Variants in KLF8 observed in about 807,000 individuals in gnomAD.
KLF8 encodes Krueppel-like factor 8.
In KLF8, 10 loss-of-function variants were observed where a neutral mutation model predicts 18.2. That is an observed-to-expected ratio of 0.55 (90% CI 0.34 to 0.93). KLF8 has a LOEUF of 0.93. Among genes scored for constraint, KLF8 ranks in the 40% least tolerant of loss-of-function variants. KLF8 has a pLI of 0.02. For synonymous variants in KLF8, 109 were observed against 97.3 expected (o/e 1.12, Z -0.71); for missense variants, 264 against 277.9 (o/e 0.95, Z 0.36).
chrX:56,110,621 G>GT, the KLF8 span, among the ~76,000 whole-genome samples: 2 of 110,988 alleles, frequency 1.8e-5, no homozygotes, highest in Non-Finnish European at 3.8e-5. Flanking sequence ...GTATATCTTA[G>GT]TTTTTTTATA....
chrX:56,122,784 T>C, the KLF8 span, among the ~76,000 whole-genome samples: 2 of 110,591 alleles, frequency 1.8e-5, no homozygotes, highest in Non-Finnish European at 3.8e-5. Context: ...AAACGGGGTT[T>C]CACTATATTG....
At chrX:56,213,610 A>G in the KLF8 span, among the ~76,000 whole-genome samples, 1 of 110,567 alleles carries the variant, frequency 9.0e-6, no homozygotes, top group African/African-American at 3.3e-5. Flanking sequence ...GGCATGAGCC[A>G]CCACAACTGG....
At chrX:56,257,516 C>T (rs1403718884) in intron 2 of KLF8, among the ~76,000 whole-genome samples, 1 of 111,143 alleles carries the variant, frequency 9.0e-6, no homozygotes, top group Non-Finnish European at 1.9e-5. Context: ...CTCCTCTCTC[C>T]CTCCTTCTTC....
At chrX:56,181,578 G>T in the KLF8 span, among the ~76,000 whole-genome samples, 2 of 111,503 alleles carry the variant, frequency 1.8e-5, no homozygotes, top group Non-Finnish European at 3.8e-5. Context: ...TTACAGTTTG[G>T]CATGTTTTTC....
At chrX:56,195,129 C>T in the KLF8 span, among the ~76,000 whole-genome samples, 15 of 112,247 alleles carry the variant, frequency 1.3e-4, no homozygotes, top group Non-Finnish European at 3.8e-5. Context: ...GGAGGAGAAA[C>T]CAGAGAAGAA....
the KLF8 span, among the ~76,000 whole-genome samples, chrX:56,191,414 A>G: frequency 8.1e-5 from 9 of 111,770 alleles, no homozygotes. Context: ...TACTCAAACT[A>G]TTTCAAAAAC....
chrX:56,023,367 C>A, the KLF8 span, among the ~76,000 whole-genome samples: 1 of 111,711 alleles, frequency 9.0e-6, no homozygotes, highest in African/African-American at 3.3e-5. Flanking sequence ...AAGGCAGAGA[C>A]AAACAGAATG....
chrX:55,976,878 A>G, the KLF8 span, among the ~76,000 whole-genome samples: 3 of 111,957 alleles, frequency 2.7e-5, no homozygotes, highest in East Asian at 5.6e-4. Context: ...TAAAGAATTT[A>G]TACTTTTTGT....
the KLF8 span, among the ~76,000 whole-genome samples, chrX:56,079,848 T>C: frequency 1.8e-5 from 2 of 111,541 alleles, no homozygotes; most frequent in African/African-American, 3.3e-5. Context: ...TGGATGCATA[T>C]ATATTTAGGA....
chrX:56,155,672 CTTTTA>C, the KLF8 span, among the ~76,000 whole-genome samples: 3 of 110,905 alleles, frequency 2.7e-5, no homozygotes, highest in Non-Finnish European at 3.8e-5. Context: ...TAAATTTCAA[CTTTTA>C]TTTTAGTTAC....
At chrX:56,170,443 A>C in the KLF8 span, among the ~76,000 whole-genome samples, 1 of 110,564 alleles carries the variant, frequency 9.0e-6, no homozygotes, top group African/African-American at 3.3e-5. Flanking sequence ...TCAAGGTAAC[A>C]CAAAGAAACA....
the KLF8 span, among the ~76,000 whole-genome samples, chrX:56,186,613 C>A: frequency 6.3e-5 from 7 of 111,395 alleles, no homozygotes; most frequent in Admixed American, 1.9e-4. Context: ...CAAAATTGAC[C>A]ACATAGTTGG....
the KLF8 span, among the ~76,000 whole-genome samples, chrX:56,178,930 A>C: frequency 1.8e-5 from 2 of 111,837 alleles, no homozygotes; most frequent in Non-Finnish European, 3.8e-5. Flanking sequence ...TGCCTCCAGC[A>C]TTGTTCTTTT....
chrX:56,052,507 T>G, the KLF8 span, among the ~76,000 whole-genome samples: 5 of 111,723 alleles, frequency 4.5e-5, no homozygotes, highest in East Asian at 2.8e-4. Flanking sequence ...CTCAGCTGCA[T>G]GTCTGTTGGA....
At chrX:56,209,807 T>G in the KLF8 span, among the ~76,000 whole-genome samples, 1 of 111,620 alleles carries the variant, frequency 9.0e-6, no homozygotes, top group Non-Finnish European at 1.9e-5. Flanking sequence ...TGTATATTGT[T>G]TGGTTTGTGG....
the KLF8 span, among the ~76,000 whole-genome samples, chrX:56,167,090 T>C: frequency 8.9e-6 from 1 of 111,998 alleles, no homozygotes; most frequent in Non-Finnish European, 1.9e-5. Context: ...CTGCAGAAAG[T>C]AATGGAGTTG....
chrX:56,179,186 C>T, the KLF8 span, among the ~76,000 whole-genome samples: 5 of 111,727 alleles, frequency 4.5e-5, no homozygotes, highest in Admixed American at 9.5e-5. Flanking sequence ...GTATGTAGTT[C>T]TCTTTGAAGA....
At chrX:56,191,827 T>A in the KLF8 span, among the ~76,000 whole-genome samples, 9 of 111,303 alleles carry the variant, frequency 8.1e-5, no homozygotes, top group East Asian at 2.2e-3. Context: ...AGAATATACC[T>A]CCGACTAATA....
the KLF8 span, among the ~76,000 whole-genome samples, chrX:56,045,657 T>A: frequency 3.6e-5 from 4 of 112,069 alleles, no homozygotes; most frequent in Non-Finnish European, 7.5e-5. Context: ...TTTTACTTTT[T>A]TTGCACCTGT....
Sources: gnomAD v4.1 joint callset for allele counts (sites outside exome capture counted in the v4.1 genomes callset) on GRCh38, gnomAD v4.1.1 for gene constraint, MANE v1.5 for transcripts, NCBI Gene and HGNC (gene_info 2026-07-23, HGNC 2026-07-21) for gene names.